The following GRAMD1B variants were observed in gnomAD, a reference collection of about 807,000 sequenced individuals.
GRAMD1B encodes the protein GRAM domain containing 1B.
In GRAMD1B, 37 loss-of-function variants were observed where a neutral mutation model predicts 99.7. The observed-to-expected ratio is 0.37, with a 90% CI of 0.29 to 0.49. The LOEUF (loss-of-function observed/expected upper bound fraction) is 0.49. Ranked by LOEUF, GRAMD1B falls within the 20% of genes least tolerant of loss-of-function variation. The probability of loss-of-function intolerance (pLI) is 0.98; values close to 1 mark genes in which losing one functional copy is unlikely to be tolerated. For synonymous variants in GRAMD1B, 427 were observed against 387.6 expected, an observed-to-expected ratio of 1.10 and a Z score of -1.19; for missense variants, 888 against 1,009.2, an observed-to-expected ratio of 0.88 and a Z score of 1.63.
intron 1 of GRAMD1B, among the ~76,000 whole-genome samples, chr11:123,449,106 G>C (rs564786997): frequency 1.3e-5 from 2 of 152,172 alleles, no homozygotes; most frequent in Non-Finnish European, 2.9e-5. Context: ...CCACCGTAAG[G>C]CCTTTTCGTT....
intron 2 of GRAMD1B, among the ~76,000 whole-genome samples, chr11:123,563,677 T>G (rs566394488): frequency 6.6e-6 from 1 of 152,238 alleles, no homozygotes; most frequent in African/African-American, 2.4e-5. Context: ...CACACCTGGC[T>G]AATTTTAAGA....
intron 3 of GRAMD1B, 49 bp downstream of exon 3, chr11:123,577,626 G>T: frequency 7.2e-7 from 1 of 1,388,044 alleles, no homozygotes; most frequent in Non-Finnish European, 1.0e-6. Flanking sequence ...GGGCTGCGGG[G>T]AGCGATATTG....
intron 1 of GRAMD1B, among the ~76,000 whole-genome samples, chr11:123,467,079 A>G (rs962268494): frequency 6.6e-6 from 1 of 152,196 alleles, no homozygotes; most frequent in African/African-American, 2.4e-5. Flanking sequence ...ATTGTAGGTG[A>G]GGGATCATTT....
chr11:123,575,298 A>T lies in GRAMD1B; in HGVS notation c.453-2069A>T, dbSNP rs1948597091. On this transcript the variant is annotated intron_variant, in intron 2 of 19. Transcript: ENST00000635736. Reference sequence around the variant, plus strand: ...TCTGGAATTTGTGAGGAAATTACACAACGGCTGGGGGGCCATTGTGTCTGA... The same window carrying T: ...TCTGGAATTTGTGAGGAAATTACACTACGGCTGGGGGGCCATTGTGTCTGA... Among the ~76,000 whole-genome samples, 3 of 152,262 alleles carry T rather than the reference A, an allele frequency of 2.0e-5. No individual in the cohort carries two copies. The South Asian group carries it at 6.2e-4, about 32-fold the overall frequency.
At chr11:123,380,588 G>A (rs1946837820) in intron 1 of GRAMD1B, among the ~76,000 whole-genome samples, 1 of 152,200 alleles carries the variant, frequency 6.6e-6, no homozygotes, top group East Asian at 1.9e-4. Context: ...AAATATGGGT[G>A]ATAGACGGAT....
chr11:123,380,260 C>T (rs1946828244), intron 1 of GRAMD1B, among the ~76,000 whole-genome samples: 1 of 152,206 alleles, frequency 6.6e-6, no homozygotes, highest in Non-Finnish European at 1.5e-5. Context: ...TCCAAGGTTA[C>T]AAAGATTTAT....
chr11:123,365,640 G>T (rs1481139967), intron 1 of GRAMD1B, among the ~76,000 whole-genome samples: 1 of 152,180 alleles, frequency 6.6e-6, no homozygotes, highest in Non-Finnish European at 1.5e-5. Flanking sequence ...GGGTCTACAA[G>T]CATCTCGCTG....
rs61570423 is a variant in GRAMD1B, at chr11:123,444,589, GT to G, written c.374+13433del. ...CCACGTCTTTCCATGGCCCGAATTA[GT>G]TTTTTTTTTCTTTGGGTCCCCTTGG... On this transcript the variant is annotated intron_variant, in intron 1 of 19. Transcript: ENST00000635736. Among the ~76,000 whole-genome samples, 1,024 of 151,296 alleles carry G rather than the reference GT, an allele frequency of 6.8e-3. 13 individuals are homozygous for G. Among genetic ancestry groups the G allele is most frequent in the African/African-American group, 0.023 (948 of 41,276 alleles).
At chr11:123,379,581 G>T (rs138634348) in intron 1 of GRAMD1B, among the ~76,000 whole-genome samples, 53 of 152,012 alleles carry the variant, frequency 3.5e-4, no homozygotes, top group African/African-American at 1.3e-3. Flanking sequence ...TCCAACCATC[G>T]GCTCATAGAT....
At chr11:123,484,826 G>A (rs185251879) in intron 2 of GRAMD1B, among the ~76,000 whole-genome samples, 50 of 152,298 alleles carry the variant, frequency 3.3e-4, no homozygotes, top group Non-Finnish European at 5.9e-4. Flanking sequence ...GCTCAGCTCA[G>A]AACTAACTTA....
rs1456323444 is a variant in GRAMD1B, at chr11:123,370,416, C to CAGT, written c.-176+11621_-176+11623dup. ...AGTGCAGTGGTGCGATCTTGACTCA[C>CAGT]AGTAGTCTCTGCTTCCCAGGCTCAA... On this transcript the variant is annotated intron_variant, in intron 1 of 20. Transcript: ENST00000638157. 3.8e-4 allele frequency among the ~76,000 whole-genome samples: 56 copies of CAGT among 146,022 alleles called. 1 individual carries two copies. The highest frequency in any genetic ancestry group is 2.7e-4 in the Non-Finnish European group (18 of 67,104).
chr11:123,545,465 G>C (rs987482832), intron 2 of GRAMD1B, among the ~76,000 whole-genome samples: 7 of 152,172 alleles, frequency 4.6e-5, no homozygotes, highest in African/African-American at 1.7e-4. Flanking sequence ...ATCTGCCTGG[G>C]GCCCATGAAT....
intron 7 of GRAMD1B, chr11:123,598,722 AG>A: frequency 1.1e-6 from 1 of 920,048 alleles, no homozygotes; most frequent in South Asian, 1.3e-5. Context: ...AGAGAGGTCA[AG>A]ATGGGCTCCA....
intron 2 of GRAMD1B, among the ~76,000 whole-genome samples, chr11:123,486,688 C>G (rs1315915301): frequency 6.6e-6 from 1 of 152,160 alleles, no homozygotes; most frequent in Non-Finnish European, 1.5e-5. Context: ...GAAGCTGATT[C>G]TCTTATGGTG....
At chr11:123,485,054 T>C (rs1309120944) in intron 2 of GRAMD1B, among the ~76,000 whole-genome samples, 1 of 152,178 alleles carries the variant, frequency 6.6e-6, no homozygotes, top group Non-Finnish European at 1.5e-5. Flanking sequence ...CCTGCAGTCA[T>C]CTTCTTTACT....
At chr11:123,384,711 G>A (rs1353536269) in intron 1 of GRAMD1B, among the ~76,000 whole-genome samples, 2 of 152,114 alleles carry the variant, frequency 1.3e-5, no homozygotes, top group African/African-American at 4.8e-5. Flanking sequence ...TTCCTCCAAG[G>A]TAACTCTCTT....
chr11:123,528,233 T>A (rs7110875), intron 2 of GRAMD1B, among the ~76,000 whole-genome samples: 1 of 152,020 alleles, frequency 6.6e-6, no homozygotes, highest in East Asian at 1.9e-4. Flanking sequence ...CTCCCTACTC[T>A]TCCAACAAGG....
At chr11:123,582,137 C>T (rs1038004301) in intron 3 of GRAMD1B, among the ~76,000 whole-genome samples, 1 of 152,226 alleles carries the variant, frequency 6.6e-6, no homozygotes, top group African/African-American at 2.4e-5. Context: ...CGGCAGCTCC[C>T]AGAGCGCACC....
chr11:123,456,245 T>C (rs11219145), intron 1 of GRAMD1B, among the ~76,000 whole-genome samples: 38,296 of 152,038 alleles, frequency 0.25, 5,070 homozygotes, highest in East Asian at 0.37. Context: ...GAGCAACTGT[T>C]AACAGTTATC....
Sources: gnomAD v4.1 joint callset for allele counts (sites outside exome capture counted in the v4.1 genomes callset) on GRCh38, gnomAD v4.1.1 for gene constraint, MANE v1.5 for transcripts, NCBI Gene and HGNC (gene_info 2026-07-23, HGNC 2026-07-21) for gene names.